AGBL4: variants seen among roughly 807,000 people sequenced by gnomAD.
The protein encoded by AGBL4 is AGBL carboxypeptidase 4, also known as cytosolic carboxypeptidase 6.
Under a neutral mutation model 66.4 loss-of-function variants are expected in AGBL4, and 58 were observed. The ratio of observed to expected loss-of-function variants is 0.87; its 90% confidence interval spans 0.71 to 1.09. The LOEUF is 1.09. Ranked by LOEUF, AGBL4 falls within the 50% of genes least tolerant of loss-of-function variation. AGBL4 has a pLI of 0.00. For synonymous variants in AGBL4, 234 were observed against 222.9 expected (o/e 1.05, Z -0.44); for missense variants, 579 against 631.0 (o/e 0.92, Z 0.88).
chr1:49,617,829 C>A (rs1246937808), intron 3 of AGBL4, among the ~76,000 whole-genome samples: 1 of 152,096 alleles, frequency 6.6e-6, no homozygotes, highest in East Asian at 1.9e-4. Flanking sequence ...TTTGACAGAC[C>A]AAGGTTTCGG....
intron 3 of AGBL4, among the ~76,000 whole-genome samples, chr1:49,643,028 T>A (rs1239759836): frequency 1.3e-5 from 2 of 151,854 alleles, no homozygotes; most frequent in African/African-American, 4.8e-5. Flanking sequence ...AATTAGTAAA[T>A]ATGAATATTA....
intron 1 of AGBL4, among the ~76,000 whole-genome samples, chr1:49,891,865 A>G (rs985078130): frequency 6.6e-6 from 1 of 152,228 alleles, no homozygotes; most frequent in Non-Finnish European, 1.5e-5. Flanking sequence ...TTGAGTATTC[A>G]CTTAACACTT....
chr1:49,194,591 C>G (rs1290605752), intron 4 of AGBL4, among the ~76,000 whole-genome samples: 3 of 151,754 alleles, frequency 2.0e-5, no homozygotes, highest in African/African-American at 7.3e-5. Context: ...GATTCTGTTT[C>G]TTGTTTGTTT....
At chr1:50,008,663 GAAGA>G (rs1264026988) in intron 1 of AGBL4, among the ~76,000 whole-genome samples, 5 of 151,734 alleles carry the variant, frequency 3.3e-5, no homozygotes, top group African/African-American at 1.2e-4. Flanking sequence ...AAAGATTAAA[GAAGA>G]AATATATGAA....
At chr1:49,282,672 C>A (rs867884017) in intron 3 of AGBL4, among the ~76,000 whole-genome samples, 7 of 152,176 alleles carry the variant, frequency 4.6e-5, no homozygotes, top group African/African-American at 1.4e-4. Flanking sequence ...TCGCACCGTG[C>A]GCGAGCCAAA....
intron 9 of AGBL4, among the ~76,000 whole-genome samples, chr1:48,598,720 G>A (rs1645032676): frequency 6.6e-6 from 1 of 152,046 alleles, no homozygotes; most frequent in South Asian, 2.1e-4. Context: ...AGGTTGCAGT[G>A]CATTGGCACA....
At chr1:48,571,054 C>A (rs1252910353) in intron 11 of AGBL4, among the ~76,000 whole-genome samples, 3 of 152,196 alleles carry the variant, frequency 2.0e-5, no homozygotes, top group Non-Finnish European at 4.4e-5. Flanking sequence ...TAATAGATAT[C>A]ATCCCTTACC....
chr1:49,960,012 T>C (rs1392530565), intron 1 of AGBL4, among the ~76,000 whole-genome samples: 1 of 151,742 alleles, frequency 6.6e-6, no homozygotes, highest in African/African-American at 2.4e-5. Flanking sequence ...TGGGGCCTAC[T>C]TGAGGGTGAA....
chr1:49,711,491 C>A (rs1647662053), intron 2 of AGBL4, among the ~76,000 whole-genome samples: 2 of 151,912 alleles, frequency 1.3e-5, no homozygotes, highest in Admixed American at 1.3e-4. Flanking sequence ...AAACAAGGTA[C>A]ATAATGAATT....
intron 6 of AGBL4, among the ~76,000 whole-genome samples, chr1:48,783,099 C>A (rs1290794356): frequency 6.6e-6 from 1 of 152,136 alleles, no homozygotes; most frequent in Non-Finnish European, 1.5e-5. Flanking sequence ...TGGCCTTTTA[C>A]ATTTTTTAAA....
At chr1:49,366,231 T>TATCCTTAGGTCCAATAGCAATGCTAC (rs1644238897) in intron 3 of AGBL4, among the ~76,000 whole-genome samples, 1 of 152,194 alleles carries the variant, frequency 6.6e-6, no homozygotes, top group Non-Finnish European at 1.5e-5. Flanking sequence ...ATCATTGCTA[T>TATCCTTAGGTCCAATAGCAATGCTAC]ATCCTTAGGT....
chr1:49,268,486 G>A (rs1191767510), intron 3 of AGBL4, among the ~76,000 whole-genome samples: 1 of 150,112 alleles, frequency 6.7e-6, no homozygotes, highest in Non-Finnish European at 1.5e-5. Context: ...AGGCTGGAGT[G>A]CAATAGTGTG....
chr1:48,747,544 C>A (rs1650965305), intron 6 of AGBL4, among the ~76,000 whole-genome samples: 1 of 152,208 alleles, frequency 6.6e-6, no homozygotes, highest in Non-Finnish European at 1.5e-5. Flanking sequence ...TATTATATAG[C>A]ATACAAATAA....
intron 4 of AGBL4, among the ~76,000 whole-genome samples, chr1:49,182,270 C>T (rs913744158): frequency 1.3e-5 from 2 of 152,194 alleles, no homozygotes; most frequent in South Asian, 4.1e-4. Context: ...AGGTTCCCTT[C>T]CTTAGCATTT....
intron 1 of AGBL4, among the ~76,000 whole-genome samples, chr1:49,877,001 T>C (rs1395302755): frequency 6.6e-6 from 1 of 151,826 alleles, no homozygotes; most frequent in Admixed American, 6.6e-5. Context: ...TTTTTGTACA[T>C]TGATTTTGTA....
At chr1:49,379,423 G>A (rs1189235766) in intron 3 of AGBL4, among the ~76,000 whole-genome samples, 1 of 152,136 alleles carries the variant, frequency 6.6e-6, no homozygotes, top group Non-Finnish European at 1.5e-5. Flanking sequence ...TTGGCTACAT[G>A]TCTTGGGATA....
intron 3 of AGBL4, among the ~76,000 whole-genome samples, chr1:49,670,055 C>A (rs2124521020): frequency 6.6e-6 from 1 of 152,138 alleles, no homozygotes; most frequent in Middle Eastern, 3.4e-3. Flanking sequence ...GTCAATGAAT[C>A]CTATCAACAC....
chr1:49,190,676 A>ATTGTTTTAAG (rs1647100927), intron 4 of AGBL4, among the ~76,000 whole-genome samples: 1 of 152,204 alleles, frequency 6.6e-6, no homozygotes, highest in Admixed American at 6.5e-5. Context: ...ATATGATTAT[A>ATTGTTTTAAG]GAGTAACTTC....
chr1:48,539,527 C>CA, intron 12 of AGBL4, 115 bp downstream of exon 12: 1 of 779,070 alleles, frequency 1.3e-6, no homozygotes, highest in Non-Finnish European at 1.9e-6. Flanking sequence ...CCAGGATTAT[C>CA]TTTCCTGCGG....
Sources: gnomAD v4.1 joint callset for allele counts (sites outside exome capture counted in the v4.1 genomes callset) on GRCh38, gnomAD v4.1.1 for gene constraint, MANE v1.5 for transcripts, NCBI Gene and HGNC (gene_info 2026-07-23, HGNC 2026-07-21) for gene names.